PRKCE: variants seen among roughly 807,000 people sequenced by gnomAD.
PRKCE encodes the protein protein kinase C epsilon.
PRKCE carries 16 observed loss-of-function variants against 85.4 expected under a neutral mutation model. The observed-to-expected ratio is 0.19, with a 90% CI of 0.13 to 0.28. The LOEUF is 0.28. Ranked by LOEUF, PRKCE falls within the 10% of genes least tolerant of loss-of-function variation. PRKCE has a pLI of 1.00. For synonymous variants in PRKCE, 388 were observed against 371.5 expected (o/e 1.04, Z -0.51); for missense variants, 573 against 975.2 (o/e 0.59, Z 5.49).
chr2:45,999,972 C>T (rs2104716374), intron 6 of PRKCE, among the ~76,000 whole-genome samples: 1 of 152,296 alleles, frequency 6.6e-6, no homozygotes, highest in East Asian at 1.9e-4. Flanking sequence ...ATTTCCATCT[C>T]TCTGCTTATA....
chr2:45,815,242 A>C (rs757915116), intron 1 of PRKCE, among the ~76,000 whole-genome samples: 27 of 152,180 alleles, frequency 1.8e-4, no homozygotes, highest in Non-Finnish European at 3.4e-4. Context: ...TCAAGAAAAT[A>C]ATTTTTTTTT....
chr2:46,087,178 G>C (rs1669732973), intron 11 of PRKCE, among the ~76,000 whole-genome samples: 1 of 148,670 alleles, frequency 6.7e-6, no homozygotes, highest in African/African-American at 2.5e-5. Flanking sequence ...TTTTAATTGG[G>C]TAGAGGAGTA....
At chr2:45,918,410 T>G (rs1697995861) in intron 2 of PRKCE, among the ~76,000 whole-genome samples, 1 of 152,238 alleles carries the variant, frequency 6.6e-6, no homozygotes, top group African/African-American at 2.4e-5. Context: ...TTAGTTAAAC[T>G]CTGGTCATTG....
At chr2:45,847,825 T>G (rs1475806055) in intron 2 of PRKCE, among the ~76,000 whole-genome samples, 1 of 152,264 alleles carries the variant, frequency 6.6e-6, no homozygotes, top group Non-Finnish European at 1.5e-5. Flanking sequence ...AATCCAAAGG[T>G]GACCAGAGTC....
chr2:45,737,890 A>T (rs553769798), intron 1 of PRKCE, among the ~76,000 whole-genome samples: 1 of 152,210 alleles, frequency 6.6e-6, no homozygotes, highest in East Asian at 1.9e-4. Flanking sequence ...GAACAAATTT[A>T]CATCCCTCCC....
chr2:46,170,846 C>G (rs1157748156), intron 14 of PRKCE, among the ~76,000 whole-genome samples: 1 of 152,202 alleles, frequency 6.6e-6, no homozygotes, highest in Non-Finnish European at 1.5e-5. Flanking sequence ...GAACTGATCT[C>G]TATCTAGAAC....
intron 2 of PRKCE, among the ~76,000 whole-genome samples, chr2:45,867,934 G>A (rs1424801971): frequency 1.3e-5 from 2 of 152,134 alleles, no homozygotes; most frequent in Non-Finnish European, 1.5e-5. Context: ...TGGGGCTCCT[G>A]AACGTCTCAC....
At chr2:46,101,687 G>A (rs1360527837) in intron 11 of PRKCE, among the ~76,000 whole-genome samples, 1 of 152,166 alleles carries the variant, frequency 6.6e-6, no homozygotes, top group Non-Finnish European at 1.5e-5. Flanking sequence ...GAATTTCAGA[G>A]GTGGGAGAAA....
Position 46,001,273 on chromosome 2 carries a change from T to TATATA in PRKCE, c.824-131_824-130insATATA. 4.4e-6 allele frequency: 2 copies of TATATA among 450,100 alleles called. No individual in the cohort carries two copies. The highest frequency in any genetic ancestry group is 3.1e-6 in the Non-Finnish European group (1 of 317,920). The allele number at this position is 450,100 out of a possible 1,614,324, so 27.9% of individuals were successfully genotyped here. A position where few individuals can be genotyped will look rare whatever the true frequency, so the allele number is the denominator to read the frequency against. On this transcript the variant is annotated intron_variant, in intron 6 of 14. Transcript: ENST00000306156. The surrounding 1 kb of genome is among the most constrained non-coding windows in gnomAD (Gnocchi z 4.4). ...AAGACATATATATATATATATATAT[T>TATATA]TCTGTATTTTCCAAATTATATCTTA...
rs1704965584 is a variant in PRKCE at position 46,004,199 on chromosome 2, T to A, written c.967-343T>A. 3.1e-6 allele frequency: 1 copy of A among 326,112 alleles called. No individual in the cohort carries two copies. The highest frequency in any genetic ancestry group is 4.2e-5 in the Admixed American group (1 of 23,930). The allele number at this position is 326,112 out of a possible 1,614,324, so 20.2% of individuals were successfully genotyped here. ...TTCCAGCTTGCTAACCTTTATGGTG[T>A]CCTCGCACAACCCGAACTACTTCAT... On this transcript the variant is annotated intron_variant, in intron 7 of 14. Transcript: ENST00000306156. This position sits in a 1 kb window ranked among gnomAD's most constrained non-coding sequence, Gnocchi z 4.1.
intron 1 of PRKCE, among the ~76,000 whole-genome samples, chr2:45,737,538 G>C (rs917226739): frequency 3.9e-5 from 6 of 152,166 alleles, no homozygotes; most frequent in African/African-American, 1.4e-4. Flanking sequence ...CAACTGCCCA[G>C]CGGAGGACCT....
chr2:45,867,285 G>A (rs4952786), intron 2 of PRKCE, among the ~76,000 whole-genome samples: 24,620 of 152,150 alleles, frequency 0.16, 2,154 homozygotes, highest in South Asian at 0.34. Context: ...GAATAGGGTC[G>A]CCAGGATTAG....
At chr2:45,885,787 A>G (rs1443288719) in intron 2 of PRKCE, among the ~76,000 whole-genome samples, 1 of 152,208 alleles carries the variant, frequency 6.6e-6, no homozygotes, top group Non-Finnish European at 1.5e-5. Flanking sequence ...AAACAAATCC[A>G]CAAATTTGTG....
intron 10 of PRKCE, among the ~76,000 whole-genome samples, chr2:46,044,243 C>T (rs1708384379): frequency 6.6e-6 from 1 of 152,212 alleles, no homozygotes; most frequent in African/African-American, 2.4e-5. Flanking sequence ...ATGAAAAAGT[C>T]TGGGCTTGGC....
At chr2:45,854,636 C>T (rs1049533731) in intron 2 of PRKCE, among the ~76,000 whole-genome samples, 8 of 152,220 alleles carry the variant, frequency 5.3e-5, no homozygotes, top group African/African-American at 1.9e-4. Flanking sequence ...TAAGCCAATG[C>T]TCAGGATTTT....
intron 10 of PRKCE, among the ~76,000 whole-genome samples, chr2:46,058,055 A>G (rs1201765467): frequency 6.6e-6 from 1 of 152,234 alleles, no homozygotes; most frequent in East Asian, 1.9e-4. Context: ...TCCAATTTGC[A>G]ACAGTGAAGT....
intron 10 of PRKCE, among the ~76,000 whole-genome samples, chr2:46,062,183 C>T (rs1282657927): frequency 6.6e-6 from 1 of 152,148 alleles, no homozygotes; most frequent in Non-Finnish European, 1.5e-5. Flanking sequence ...TTAAGTATTT[C>T]TTGCCCTCCT....
intron 1 of PRKCE, among the ~76,000 whole-genome samples, chr2:45,777,564 C>G (rs1685846370): frequency 6.6e-6 from 1 of 152,152 alleles, no homozygotes; most frequent in Non-Finnish European, 1.5e-5. Flanking sequence ...CTATTATGTG[C>G]CAGACATACG....
intron 10 of PRKCE, among the ~76,000 whole-genome samples, chr2:46,028,971 C>T (rs774592435): frequency 1.3e-5 from 2 of 152,162 alleles, no homozygotes; most frequent in African/African-American, 4.8e-5. Context: ...CCATCCATGT[C>T]CCTGTAAAGG....
Sources: allele counts gnomAD v4.1 joint callset (sites outside exome capture counted in the v4.1 genomes callset), GRCh38; gene constraint gnomAD v4.1.1; non-coding constraint Gnocchi (gnomAD v3.1); transcripts MANE v1.5; gene names NCBI Gene and HGNC (gene_info 2026-07-23, HGNC 2026-07-21).